Variants in MRC1 observed in about 807,000 individuals in gnomAD.
MRC1 encodes the protein macrophage mannose receptor 1.
MRC1 carries 62 observed loss-of-function variants against 102.9 expected under a neutral mutation model. That is an observed-to-expected ratio of 0.60 (90% CI 0.49 to 0.74). The LOEUF is 0.74. Ranked by LOEUF, MRC1 falls within the 30% of genes least tolerant of loss-of-function variation. The probability of loss-of-function intolerance (pLI) is 0.00; values close to 1 mark genes in which losing one functional copy is unlikely to be tolerated. For missense variants in MRC1, 1,237 were observed against 862.8 expected (o/e 1.43, Z -5.43); for synonymous variants, 457 against 298.4 (o/e 1.53, Z -5.48).
chr10:17,821,575 G>T (rs1434673621), intron 1 of MRC1, among the ~76,000 whole-genome samples: 2 of 151,996 alleles, frequency 1.3e-5, no homozygotes, highest in Non-Finnish European at 2.9e-5. Flanking sequence ...AGGAGATCTG[G>T]AACTAGTGTG....
At chr10:17,816,782 A>G (rs1398828300) in intron 1 of MRC1, among the ~76,000 whole-genome samples, 2 of 152,122 alleles carry the variant, frequency 1.3e-5, no homozygotes, top group African/African-American at 4.8e-5. Context: ...TTGTGTTCCA[A>G]TGTCAGCATT....
chr10:17,829,023 C>G (rs1026712089), intron 3 of MRC1, among the ~76,000 whole-genome samples: 1 of 151,456 alleles, frequency 6.6e-6, no homozygotes, highest in African/African-American at 2.5e-5. Flanking sequence ...TACCCCCGAC[C>G]TCTCACCTGC....
At chr10:17,828,170 G>T (rs914922084) in intron 3 of MRC1, among the ~76,000 whole-genome samples, 1 of 152,118 alleles carries the variant, frequency 6.6e-6, no homozygotes, top group Admixed American at 6.6e-5. Context: ...TCCGCCTCCC[G>T]AGTTCACGCC....
intron 26 of MRC1, among the ~76,000 whole-genome samples, chr10:17,902,990 T>G (rs1833849047): frequency 2.0e-5 from 3 of 152,240 alleles, no homozygotes; most frequent in Non-Finnish European, 1.5e-5. Context: ...GTCTTTATTG[T>G]CTCTAGTACT....
chr10:17,882,767 AC>A (rs1833537344), intron 21 of MRC1, among the ~76,000 whole-genome samples: 1 of 152,148 alleles, frequency 6.6e-6, no homozygotes, highest in Admixed American at 6.5e-5. Context: ...AAACCAAAGC[AC>A]ACAGTACAAG....
intron 3 of MRC1, among the ~76,000 whole-genome samples, chr10:17,832,905 A>G (rs1247949584): frequency 6.6e-6 from 1 of 152,048 alleles, no homozygotes; most frequent in Admixed American, 6.5e-5. Flanking sequence ...ATTTTTATAT[A>G]TGTAGGGGGT....
intron 3 of MRC1, among the ~76,000 whole-genome samples, chr10:17,828,835 C>T (rs1426466319): frequency 2.0e-5 from 3 of 151,484 alleles, no homozygotes. Context: ...TGTTCTTCCA[C>T]GCTTAAAAAT....
At chr10:17,907,363 C>T (rs1489557151) in intron 27 of MRC1, among the ~76,000 whole-genome samples, 171 bp from the exon 28 acceptor site, 1 of 152,114 alleles carries the variant, frequency 6.6e-6, no homozygotes, top group Non-Finnish European at 1.5e-5. Context: ...TTTTTCGTTT[C>T]CTTCCCTGTA....
Position 17,871,997 on chromosome 10 carries a change from T to C in MRC1, c.2215T>C (p.Trp739Arg). The change falls in exon 15 of 30, where the codon TGG (tryptophan) becomes CGG (arginine). Residue 739 changes from tryptophan (W) to arginine (R), a missense_variant. Transcript: ENST00000569591. Reference sequence around the variant, plus strand: ...TCTAATATAGGTTTCATATGAAAACTGGGCTTATGGAGAACCTAATAATTA... The same window carrying C: ...TCTAATATAGGTTTCATATGAAAACCGGGCTTATGGAGAACCTAATAATTA... ...SDGSPVSYENWAYGEPNNYQN... is the reference protein window; with the variant it reads ...SDGSPVSYENRAYGEPNNYQN... 1 of 780,648 alleles carries C rather than the reference T, an allele frequency of 1.3e-6. No individual in the cohort carries two copies. The highest frequency in any genetic ancestry group is 1.7e-5 in the Admixed American group (1 of 59,018). 48.4% of individuals were successfully genotyped at this position (780,648 alleles called of 1,614,324 possible). A position where few individuals can be genotyped will look rare whatever the true frequency, so the allele number is the denominator to read the frequency against.
chr10:17,885,650 G>T, intron 22 of MRC1, among the ~76,000 whole-genome samples: 1 of 152,092 alleles, frequency 6.6e-6, no homozygotes, highest in Non-Finnish European at 1.5e-5. Context: ...AATAGTGAGA[G>T]GTCAGGAAAC....
Position 17,867,319 on chromosome 10 carries a change from CCTT to C in MRC1, c.1983+572_1983+574del, listed in dbSNP as rs559328317. 7.4e-4 allele frequency among the ~76,000 whole-genome samples: 101 copies of C among 135,870 alleles called. 2 individuals carry two copies. In the South Asian group the frequency reaches 0.019, roughly 25 times the overall value. The allele number at this position is 135,870 out of a possible 152,430, so 89.1% of individuals were successfully genotyped here. On this transcript the variant is annotated intron_variant, in intron 12 of 29. Transcript: ENST00000569591. Reference sequence around the variant, plus strand: ...CGTTCCTTCTTCCTTCTTCCTCCTTCCTTCTTCTTCTTCTTCCTCCTCCTCCTC... The same window carrying C: ...CGTTCCTTCTTCCTTCTTCCTCCTTCCTTCTTCTTCTTCCTCCTCCTCCTC...
At chr10:17,863,052 A>G in intron 10 of MRC1, 1 of 157,738 alleles carries the variant, frequency 6.3e-6, no homozygotes, top group East Asian at 1.9e-4. Context: ...TTCAGAGCTG[A>G]AATATGAGAG....
intron 17 of MRC1, 94 bp downstream of exon 17, chr10:17,875,347 A>T: frequency 1.3e-6 from 1 of 751,292 alleles, no homozygotes; most frequent in Non-Finnish European, 2.5e-6. Context: ...GTGATTTCTG[A>T]GATTTTGGTA....
At chr10:17,838,183 C>A (rs986840051) in intron 4 of MRC1, among the ~76,000 whole-genome samples, 1 of 152,118 alleles carries the variant, frequency 6.6e-6, no homozygotes, top group Non-Finnish European at 1.5e-5. Context: ...CACAGAACAC[C>A]CGGGGATCCG....
At chr10:17,825,018 T>C (rs1838451997) in intron 2 of MRC1, among the ~76,000 whole-genome samples, 15 of 152,042 alleles carry the variant, frequency 9.9e-5, no homozygotes, top group Admixed American at 9.8e-4. Context: ...ATTCAATGAT[T>C]TCTATGAAGA....
chr10:17,859,049 A>C (rs1165000143), intron 9 of MRC1, among the ~76,000 whole-genome samples: 1 of 152,008 alleles, frequency 6.6e-6, no homozygotes, highest in Admixed American at 6.5e-5. Flanking sequence ...CATCCAATTG[A>C]CTAATTTCCT....
chr10:17,888,613 G>T (rs1054417405), intron 22 of MRC1, among the ~76,000 whole-genome samples: 38 of 152,202 alleles, frequency 2.5e-4, no homozygotes, highest in African/African-American at 9.2e-4. Flanking sequence ...TAATTCCATT[G>T]TGGTCTTAGA....
At chr10:17,849,378 T>G (rs1838877507) in intron 6 of MRC1, among the ~76,000 whole-genome samples, 1 of 152,200 alleles carries the variant, frequency 6.6e-6, no homozygotes, top group South Asian at 2.1e-4. Context: ...GTTATTTTGT[T>G]TTGTCTAAAA....
intron 21 of MRC1, among the ~76,000 whole-genome samples, chr10:17,884,104 C>A (rs1189530662): frequency 3.9e-5 from 6 of 152,116 alleles, no homozygotes; most frequent in African/African-American, 1.4e-4. Context: ...GAAGCTGGGA[C>A]TACAGGCGCA....
Sources: gnomAD v4.1 joint callset for allele counts (sites outside exome capture counted in the v4.1 genomes callset) on GRCh38, gnomAD v4.1.1 for gene constraint, MANE v1.5 for transcripts, NCBI Gene and HGNC (gene_info 2026-07-23, HGNC 2026-07-21) for gene names.